The following DRC11 variants were observed in gnomAD, a reference collection of about 807,000 sequenced individuals.
DRC11 encodes dynein regulatory complex subunit 11, also known as IQ and AAA domain-containing protein 1.
the DRC11 span, among the ~76,000 whole-genome samples, chr2:236,353,833 T>A: frequency 1.3e-5 from 2 of 151,862 alleles, no homozygotes; most frequent in Admixed American, 1.3e-4. This position sits in a 1 kb window ranked among gnomAD's most constrained non-coding sequence, Gnocchi z 5.0. Flanking sequence ...GCGTAAGGCT[T>A]ATTTGCAGGG....
chr2:236,325,180 G>A, the DRC11 span, among the ~76,000 whole-genome samples: 1 of 152,152 alleles, frequency 6.6e-6, no homozygotes, highest in Non-Finnish European at 1.5e-5. The surrounding 1 kb of genome is among the most constrained non-coding windows in gnomAD (Gnocchi z 4.4). Context: ...TGGGGGAGTT[G>A]CTGTTGAAAC....
At chr2:236,424,069 G>A in the DRC11 span, among the ~76,000 whole-genome samples, 8 of 111,688 alleles carry the variant, frequency 7.2e-5, no homozygotes, top group Non-Finnish European at 1.4e-4. Flanking sequence ...GGGGAGGGGG[G>A]AGGGATAGCA....
chr2:236,503,654 C>T, the DRC11 span: 670 of 1,550,938 alleles, frequency 4.3e-4, 1 homozygote, highest in African/African-American at 8.1e-3. The surrounding 1 kb of genome is among the most constrained non-coding windows in gnomAD (Gnocchi z 4.9). Flanking sequence ...CGCTGAGAGA[C>T]GGCGTCATCT....
chr2:236,450,059 T>G, the DRC11 span, among the ~76,000 whole-genome samples: 2 of 152,142 alleles, frequency 1.3e-5, no homozygotes, highest in Non-Finnish European at 2.9e-5. Context: ...AAACATATAT[T>G]TCAGTATTAT....
At chr2:236,395,745 G>A in the DRC11 span, among the ~76,000 whole-genome samples, 3 of 152,182 alleles carry the variant, frequency 2.0e-5, no homozygotes, top group Non-Finnish European at 2.9e-5. Flanking sequence ...ATAATGTGCT[G>A]TTTACTAATA....
the DRC11 span, among the ~76,000 whole-genome samples, chr2:236,342,070 C>G: frequency 6.6e-6 from 1 of 152,186 alleles, no homozygotes; most frequent in African/African-American, 2.4e-5. The surrounding 1 kb of genome is among the most constrained non-coding windows in gnomAD (Gnocchi z 5.8). Flanking sequence ...GGTGAGCTTC[C>G]TGCCTCTTAT....
At chr2:236,461,251 C>G in the DRC11 span, among the ~76,000 whole-genome samples, 1 of 152,116 alleles carries the variant, frequency 6.6e-6, no homozygotes, top group Non-Finnish European at 1.5e-5. The surrounding 1 kb of genome is among the most constrained non-coding windows in gnomAD (Gnocchi z 4.0). Flanking sequence ...AATACCTATT[C>G]TCTGACACAC....
chr2:236,344,573 G>A, the DRC11 span: 3 of 1,613,272 alleles, frequency 1.9e-6, 1 homozygote, highest in Admixed American at 3.3e-5. Flanking sequence ...TTCTGCGTTG[G>A]GAACTTTTTT....
At chr2:236,413,880 T>C in the DRC11 span, among the ~76,000 whole-genome samples, 10 of 152,200 alleles carry the variant, frequency 6.6e-5, no homozygotes, top group Non-Finnish European at 1.2e-4. This position sits in a 1 kb window ranked among gnomAD's most constrained non-coding sequence, Gnocchi z 4.0. Context: ...ACTGCGACTT[T>C]TGTTTCTAAA....
chr2:236,387,983 A>T, the DRC11 span, among the ~76,000 whole-genome samples: 1 of 152,104 alleles, frequency 6.6e-6, no homozygotes, highest in African/African-American at 2.4e-5. Flanking sequence ...AATGTTGAAT[A>T]TTGGCCCCCA....
chr2:236,493,137 C>CT, the DRC11 span, among the ~76,000 whole-genome samples: 6 of 152,066 alleles, frequency 3.9e-5, no homozygotes, highest in Admixed American at 2.0e-4. Context: ...TCTCATATGG[C>CT]GGCAGACAAG....
chr2:236,419,227 GT>G, the DRC11 span: 11 of 1,532,718 alleles, frequency 7.2e-6, no homozygotes, highest in South Asian at 3.8e-5. The surrounding 1 kb of genome is among the most constrained non-coding windows in gnomAD (Gnocchi z 4.8). Flanking sequence ...TCTTCTTTTT[GT>G]TTTTTTCTTC....
At chr2:236,464,482 A>G in the DRC11 span, among the ~76,000 whole-genome samples, 1 of 152,046 alleles carries the variant, frequency 6.6e-6, no homozygotes, top group East Asian at 1.9e-4. Context: ...GGTTACCATC[A>G]AAGTGTTCTG....
At chr2:236,338,686 A>G in the DRC11 span, among the ~76,000 whole-genome samples, 1 of 152,128 alleles carries the variant, frequency 6.6e-6, no homozygotes, top group Admixed American at 6.5e-5. Flanking sequence ...AACGGAAGGA[A>G]GCTCACTCGG....
the DRC11 span, among the ~76,000 whole-genome samples, chr2:236,435,205 C>A: frequency 2.0e-5 from 3 of 152,256 alleles, no homozygotes; most frequent in Non-Finnish European, 1.5e-5. Flanking sequence ...TATTTTACTG[C>A]TGCAGAGAAC....
At chr2:236,428,828 T>G in the DRC11 span, among the ~76,000 whole-genome samples, 1 of 152,336 alleles carries the variant, frequency 6.6e-6, no homozygotes, top group East Asian at 1.9e-4. Flanking sequence ...TGCTATTATT[T>G]TCCTGATTTC....
chr2:236,448,087 G>T, the DRC11 span, among the ~76,000 whole-genome samples: 1 of 152,178 alleles, frequency 6.6e-6, no homozygotes, highest in African/African-American at 2.4e-5. The surrounding 1 kb of genome is among the most constrained non-coding windows in gnomAD (Gnocchi z 5.3). Context: ...AGGATTTTGT[G>T]TTAAAATTGT....
At chr2:236,463,644 C>T in the DRC11 span, among the ~76,000 whole-genome samples, 1 of 152,144 alleles carries the variant, frequency 6.6e-6, no homozygotes, top group African/African-American at 2.4e-5. The surrounding 1 kb of genome is among the most constrained non-coding windows in gnomAD (Gnocchi z 5.0). Flanking sequence ...AAAGTTAACA[C>T]AAGAAGTTTA....
At chr2:236,502,548 CAAAAAAAAAAAAAAAAAA>C in the DRC11 span, among the ~76,000 whole-genome samples, 2 of 15,092 alleles carry the variant, frequency 1.3e-4, no homozygotes, top group Non-Finnish European at 4.4e-4. Context: ...TGCACTCCAG[CAAAAAAAAAAAAAAAAAA>C]AAAAAAAAAA....
Sources: gnomAD v4.1 joint callset for allele counts (sites outside exome capture counted in the v4.1 genomes callset) on GRCh38, gnomAD v4.1.1 for gene constraint, Gnocchi (gnomAD v3.1) non-coding constraint, MANE v1.5 for transcripts, NCBI Gene and HGNC (gene_info 2026-07-23, HGNC 2026-07-21) for gene names.